Variants in TENM3 observed in about 807,000 individuals in gnomAD.
TENM3 encodes the protein teneurin transmembrane protein 3, also known as teneurin-3.
In TENM3, 63 loss-of-function variants were observed where a neutral mutation model predicts 255.1. The observed-to-expected ratio is 0.25, with a 90% CI of 0.20 to 0.30. The LOEUF (loss-of-function observed/expected upper bound fraction) is 0.30, where lower values mean the gene tolerates loss of function less well. Among genes scored for constraint, TENM3 ranks in the 10% least tolerant of loss-of-function variants. The pLI is 1.00. For missense variants in TENM3, 2,929 were observed against 3,461.1 expected (o/e 0.85, Z 3.86); for synonymous variants, 1,306 against 1,322.3 (o/e 0.99, Z 0.27).
the TENM3 span, among the ~76,000 whole-genome samples, chr4:182,015,934 A>G: frequency 3.3e-5 from 5 of 151,978 alleles, no homozygotes; most frequent in Non-Finnish European, 5.9e-5. Flanking sequence ...AAACACAGGG[A>G]TTGTTCTTTA....
intron 1 of TENM3, among the ~76,000 whole-genome samples, chr4:182,267,088 T>C (rs1372415326): frequency 6.6e-6 from 1 of 152,184 alleles, no homozygotes; most frequent in Non-Finnish European, 1.5e-5. Context: ...TTCATAACTA[T>C]CAAACAAAAG....
the TENM3 span, among the ~76,000 whole-genome samples, chr4:182,118,125 T>C: frequency 6.6e-6 from 1 of 152,114 alleles, no homozygotes; most frequent in African/African-American, 2.4e-5. Flanking sequence ...GCTATAATTA[T>C]AATAATTATA....
the TENM3 span, among the ~76,000 whole-genome samples, chr4:181,747,885 AT>A: frequency 6.6e-6 from 1 of 152,002 alleles, no homozygotes; most frequent in African/African-American, 2.4e-5. Context: ...CTAGTTTTTT[AT>A]ATTCCATTTA....
At position 182,249,450 on chromosome 4, in the gene TENM3, G is replaced by C. The variant is rs550114943; in HGVS notation, c.-76+5974G>C. 2.0e-5 allele frequency among the ~76,000 whole-genome samples: 3 copies of C among 152,244 alleles called. No individual in the cohort carries two copies. In the South Asian group the frequency reaches 6.2e-4, roughly 32 times the overall value. ...AGTGGCTGTACTCCATGCTGTTTTCGTACTAGAAGGAGAAACTATTATCTC... is the reference window on the plus strand; with the variant it reads ...AGTGGCTGTACTCCATGCTGTTTTCCTACTAGAAGGAGAAACTATTATCTC... On this transcript the variant is annotated intron_variant, in intron 1 of 27. Transcript: ENST00000511685.
intron 1 of TENM3, among the ~76,000 whole-genome samples, chr4:182,193,865 T>G (rs1335821051): frequency 6.6e-6 from 1 of 152,174 alleles, no homozygotes; most frequent in East Asian, 1.9e-4. Flanking sequence ...AAAAAGAAAT[T>G]ATGTGTGCAC....
chr4:181,898,287 T>C, the TENM3 span, among the ~76,000 whole-genome samples: 55,195 of 150,232 alleles, frequency 0.37, 10,074 homozygotes, highest in East Asian at 0.51. Context: ...CACACACACC[T>C]TTGTGATATT....
At chr4:182,458,071 C>T (rs983527172) in intron 3 of TENM3, among the ~76,000 whole-genome samples, 1 of 152,088 alleles carries the variant, frequency 6.6e-6, no homozygotes, top group African/African-American at 2.4e-5. Context: ...TTTAATTTAT[C>T]AAGTGCTTAT....
chr4:182,070,084 G>A, the TENM3 span, among the ~76,000 whole-genome samples: 5 of 152,258 alleles, frequency 3.3e-5, no homozygotes, highest in East Asian at 9.7e-4. Context: ...GGCATGACAA[G>A]CCCCAGTATA....
intron 1 of TENM3, among the ~76,000 whole-genome samples, chr4:182,234,283 G>A (rs372858691): frequency 9.9e-5 from 15 of 152,118 alleles, no homozygotes; most frequent in Non-Finnish European, 1.8e-4. Context: ...GGGAATAGTC[G>A]TACAGAGCAC....
intron 3 of TENM3, among the ~76,000 whole-genome samples, chr4:182,560,042 C>T (rs1232033814): frequency 1.3e-5 from 2 of 150,894 alleles, no homozygotes; most frequent in Non-Finnish European, 2.9e-5. Context: ...AATATATAGA[C>T]CTATTATGTA....
At chr4:181,467,411 A>G in the TENM3 span, among the ~76,000 whole-genome samples, 2 of 151,542 alleles carry the variant, frequency 1.3e-5, no homozygotes, top group Admixed American at 1.3e-4. Context: ...CTGGGATTAC[A>G]GATGTGAGCC....
the TENM3 span, among the ~76,000 whole-genome samples, chr4:181,764,648 C>T: frequency 6.6e-6 from 1 of 152,064 alleles, no homozygotes; most frequent in African/African-American, 2.4e-5. Flanking sequence ...TTACCTAAAA[C>T]CTTTATGAAT....
At chr4:181,470,985 G>GTT in the TENM3 span, among the ~76,000 whole-genome samples, 338 of 152,074 alleles carry the variant, frequency 2.2e-3, 2 homozygotes, top group Admixed American at 3.6e-3. Flanking sequence ...GGTTTGTGGT[G>GTT]TTTTTTTCTT....
chr4:182,112,062 G>A, the TENM3 span, among the ~76,000 whole-genome samples: 8 of 152,246 alleles, frequency 5.3e-5, no homozygotes, highest in East Asian at 1.9e-4. Flanking sequence ...AACCAAGGCC[G>A]GAGGATCACT....
At chr4:181,678,040 G>A in the TENM3 span, among the ~76,000 whole-genome samples, 1 of 151,990 alleles carries the variant, frequency 6.6e-6, no homozygotes, top group Non-Finnish European at 1.5e-5. Flanking sequence ...ATTTATTTTA[G>A]CGATTATTTT....
chr4:181,951,073 TAAA>T, the TENM3 span, among the ~76,000 whole-genome samples: 1 of 147,570 alleles, frequency 6.8e-6, no homozygotes, highest in Non-Finnish European at 1.5e-5. Context: ...AACAAACAAA[TAAA>T]GAAGATACAG....
chr4:181,856,777 T>C, the TENM3 span, among the ~76,000 whole-genome samples: 2 of 152,166 alleles, frequency 1.3e-5, no homozygotes, highest in Non-Finnish European at 2.9e-5. Flanking sequence ...AATCCCTAGC[T>C]TCTGCTCTGT....
At chr4:181,657,209 A>G in the TENM3 span, among the ~76,000 whole-genome samples, 28 of 152,362 alleles carry the variant, frequency 1.8e-4, 1 homozygote, top group African/African-American at 6.5e-4. Context: ...CCAGGAAAAA[A>G]TAATTCTGTG....
the TENM3 span, among the ~76,000 whole-genome samples, chr4:181,964,053 G>A: frequency 6.7e-6 from 1 of 149,288 alleles, no homozygotes; most frequent in African/African-American, 2.5e-5. Context: ...TCAGACTAAA[G>A]CAATGACCTT....
Sources: gnomAD v4.1 joint callset for allele counts (sites outside exome capture counted in the v4.1 genomes callset) on GRCh38, gnomAD v4.1.1 for gene constraint, MANE v1.5 for transcripts, NCBI Gene and HGNC (gene_info 2026-07-23, HGNC 2026-07-21) for gene names.